SCD5: variants seen among roughly 807,000 people sequenced by gnomAD.
The protein encoded by SCD5 is acyl-CoA-desaturase 4.
Under a neutral mutation model 30.4 loss-of-function variants are expected in SCD5, and 20 were observed. The ratio of observed to expected loss-of-function variants is 0.66; its 90% CI spans 0.46 to 0.96. The LOEUF (loss-of-function observed/expected upper bound fraction) is 0.96. Among genes scored for constraint, SCD5 ranks in the 40% least tolerant of loss-of-function variants. The probability of loss-of-function intolerance (pLI) is 0.00; values close to 1 mark genes in which losing one functional copy is unlikely to be tolerated. For missense variants in SCD5, 381 were observed against 443.3 expected (o/e 0.86, Z 1.26); for synonymous variants, 173 against 176.4 (o/e 0.98, Z 0.16).
At chr4:82,730,752 A>AT (rs1467791805) in intron 1 of SCD5, among the ~76,000 whole-genome samples, 12 of 149,454 alleles carry the variant, frequency 8.0e-5, no homozygotes, top group African/African-American at 3.0e-4. Flanking sequence ...CGCCCGGCTA[A>AT]TTTTTTGTAT....
chr4:82,644,281 G>A (rs1440160774), intron 3 of SCD5, among the ~76,000 whole-genome samples: 1 of 152,156 alleles, frequency 6.6e-6, no homozygotes, highest in Non-Finnish European at 1.5e-5. Flanking sequence ...ACTGTTCAAA[G>A]CCCAGCTTCT....
intron 2 of SCD5, among the ~76,000 whole-genome samples, chr4:82,684,388 T>TA (rs999478160): frequency 5.9e-5 from 9 of 152,046 alleles, no homozygotes; most frequent in Non-Finnish European, 7.4e-5. Flanking sequence ...ATAAATAAAT[T>TA]AAAAAAAGAA....
At chr4:82,650,175 T>C (rs1229469654) in intron 3 of SCD5, among the ~76,000 whole-genome samples, 2 of 152,188 alleles carry the variant, frequency 1.3e-5, no homozygotes, top group African/African-American at 2.4e-5. Context: ...GAGGGGTTGT[T>C]AGGTAGTTCA....
intron 1 of SCD5, among the ~76,000 whole-genome samples, chr4:82,786,792 TAAA>T (rs11462424): frequency 3.9e-5 from 5 of 127,182 alleles, no homozygotes; most frequent in African/African-American, 9.1e-5. Context: ...GACTTTGCCT[TAAA>T]AAAAAAAAAA....
intron 2 of SCD5, among the ~76,000 whole-genome samples, chr4:82,681,277 C>T (rs1005513731): frequency 1.3e-5 from 2 of 152,050 alleles, no homozygotes; most frequent in Non-Finnish European, 2.9e-5. Context: ...GTGGCTGCAC[C>T]GTATTCCATG....
intron 1 of SCD5, among the ~76,000 whole-genome samples, chr4:82,724,987 A>T (rs1720441777): frequency 1.3e-5 from 2 of 152,250 alleles, no homozygotes; most frequent in Non-Finnish European, 2.9e-5. Flanking sequence ...AATGGTAGAC[A>T]TATGTTGATT....
chr4:82,792,824 GA>G (rs1181041515), intron 1 of SCD5, among the ~76,000 whole-genome samples: 1 of 152,204 alleles, frequency 6.6e-6, no homozygotes, highest in Non-Finnish European at 1.5e-5. Context: ...GTAAAGAAAC[GA>G]GTCTGAAGTT....
intron 3 of SCD5, among the ~76,000 whole-genome samples, chr4:82,680,392 T>C (rs1728542590): frequency 6.6e-6 from 1 of 152,036 alleles, no homozygotes; most frequent in Admixed American, 6.5e-5. Flanking sequence ...CTCCAGAGAA[T>C]CATGAATGGG....
rs548796308 is a variant in SCD5 at position 82,706,224 on chromosome 4, A to G, written c.233-811T>C. Among the ~76,000 whole-genome samples, 6 of 152,278 alleles carry G rather than the reference A, an allele frequency of 3.9e-5. No individual in the cohort carries two copies. In the South Asian group the frequency reaches 1.2e-3, roughly 32 times the overall value. On this transcript the variant is annotated intron_variant, in intron 1 of 4. Coordinates refer to ENST00000319540, the MANE Select transcript of SCD5 (RefSeq NM_001037582.3). ...TTTTTTTTTCAACTAGCAAGTAGTC[A>G]GGGAACAAGTAAAATCTAGAATGGA...
intron 1 of SCD5, among the ~76,000 whole-genome samples, chr4:82,732,465 G>A (rs1720664430): frequency 6.6e-6 from 1 of 152,126 alleles, no homozygotes; most frequent in South Asian, 2.1e-4. Flanking sequence ...TGCATACTAC[G>A]CATTCAACAC....
chr4:82,653,516 T>C (rs904092916), intron 3 of SCD5, among the ~76,000 whole-genome samples: 7 of 152,090 alleles, frequency 4.6e-5, no homozygotes, highest in African/African-American at 1.7e-4. Flanking sequence ...CATCACATTT[T>C]CCCCCTAAAA....
chr4:82,663,460 G>A (rs575916258), intron 3 of SCD5, among the ~76,000 whole-genome samples: 2 of 152,266 alleles, frequency 1.3e-5, no homozygotes, highest in Non-Finnish European at 1.5e-5. Flanking sequence ...AGACATGCAG[G>A]AGCTGATCAG....
intron 1 of SCD5, among the ~76,000 whole-genome samples, chr4:82,793,973 T>A (rs1476016138): frequency 6.6e-6 from 1 of 152,034 alleles, no homozygotes; most frequent in Non-Finnish European, 1.5e-5. Flanking sequence ...AATGAAGACA[T>A]CAGGACCAGG....
chr4:82,712,259 T>C (rs28546959), intron 1 of SCD5, among the ~76,000 whole-genome samples: 2,286 of 36,254 alleles, frequency 0.063, 84 homozygotes, highest in African/African-American at 0.13. Context: ...TATATATATA[T>C]ATATATATAT....
chr4:82,699,570 G>GTTTTT (rs59887380), intron 2 of SCD5, among the ~76,000 whole-genome samples: 4 of 141,188 alleles, frequency 2.8e-5, no homozygotes, highest in African/African-American at 1.0e-4. Flanking sequence ...TTTGTTTTTT[G>GTTTTT]TTTTTTTTTT....
chr4:82,741,853 C>CGGGGGGGG (rs34875819), intron 1 of SCD5, among the ~76,000 whole-genome samples: 2 of 45,392 alleles, frequency 4.4e-5, no homozygotes, highest in African/African-American at 1.5e-4. Flanking sequence ...TCAGAGTGGG[C>CGGGGGGGG]GGGGGGGGGG....
intron 1 of SCD5, among the ~76,000 whole-genome samples, chr4:82,737,679 C>T (rs141029590): frequency 6.6e-6 from 1 of 152,160 alleles, no homozygotes; most frequent in African/African-American, 2.4e-5. Flanking sequence ...GGAAAAAAAT[C>T]AGGGATACTA....
intron 1 of SCD5, among the ~76,000 whole-genome samples, chr4:82,751,265 A>G (rs906466756): frequency 2.0e-5 from 3 of 151,688 alleles, no homozygotes; most frequent in African/African-American, 7.3e-5. Context: ...GCGTGATCAT[A>G]GCTCACTGCA....
chr4:82,670,643 A>G (rs1465301530), intron 3 of SCD5, among the ~76,000 whole-genome samples: 1 of 151,942 alleles, frequency 6.6e-6, no homozygotes, highest in Admixed American at 6.6e-5. Flanking sequence ...TATCAATTCC[A>G]TATCAATTCC....
Sources: gnomAD v4.1 joint callset for allele counts (sites outside exome capture counted in the v4.1 genomes callset) on GRCh38, gnomAD v4.1.1 for gene constraint, MANE v1.5 for transcripts, NCBI Gene and HGNC (gene_info 2026-07-23, HGNC 2026-07-21) for gene names.